The following XPO1 variants were observed in gnomAD, a reference collection of about 807,000 sequenced individuals.
The protein encoded by XPO1 is exportin 1, also known as exportin-1.
Under a neutral mutation model 133.3 loss-of-function variants are expected in XPO1, and 5 were observed. The ratio of observed to expected loss-of-function variants is 0.04; its 90% CI spans 0.02 to 0.08. The LOEUF (loss-of-function observed/expected upper bound fraction) is 0.08, where lower values mean the gene tolerates loss of function less well. Ranked by LOEUF, XPO1 falls within the 10% of genes least tolerant of loss-of-function variation. The probability of loss-of-function intolerance (pLI) is 1.00; values close to 1 mark genes in which losing one functional copy is unlikely to be tolerated. For synonymous variants in XPO1, 419 were observed against 408.2 expected (o/e 1.03, Z -0.32); for missense variants, 506 against 1,267.5 (o/e 0.40, Z 9.12).
chr2:61,484,158 G>C lies in XPO1; in HGVS notation c.2509-53C>G, dbSNP rs140694956. 759 of 1,492,342 alleles carry C rather than the reference G, an allele frequency of 5.1e-4. 2 individuals carry two copies. The African/African-American group carries it at 9.5e-3, about 19-fold the overall frequency. The allele number at this position is 1,492,342 out of a possible 1,614,324, so 92.4% of individuals were successfully genotyped here. A position where few individuals can be genotyped will look rare whatever the true frequency, so the allele number is the denominator to read the frequency against. On this transcript the variant is annotated intron_variant, in intron 20 of 24. Transcript: ENST00000401558. ...ATGTTTCAGTGTCTTTGTTGTGCTA[G>C]ACAGGAGGGGAAAAGCAAGGCTTAA...
At chr2:61,537,530 G>A (rs1255876193) in intron 1 of XPO1, 32 bp downstream of exon 1, 2 of 147,430 alleles carry the variant, frequency 1.4e-5, no homozygotes, top group African/African-American at 2.5e-5. Context: ...GCCGCCGCCC[G>A]ACCCTCGGCC....
At chr2:61,507,164 T>C (rs1697863310) in intron 4 of XPO1, among the ~76,000 whole-genome samples, 1 of 140,498 alleles carries the variant, frequency 7.1e-6, no homozygotes, top group African/African-American at 2.7e-5. Context: ...GGAGAATCAC[T>C]TGAACCCAAG....
At position 61,534,987 on chromosome 2, in the gene XPO1, G is replaced by C. The variant is rs377379295; in HGVS notation, c.-6-1084C>G. 8.5e-5 allele frequency among the ~76,000 whole-genome samples: 13 copies of C among 152,240 alleles called. No individual in the cohort carries two copies. The East Asian group carries it at 2.1e-3, about 25-fold the overall frequency. ...TTAAATTCCAGGTATTCATTGGCAA[G>C]GTAAAAGCTGTAAAAGCTTGCCCAT... is the stretch of plus-strand genomic sequence containing the variant. On this transcript the variant is annotated intron_variant, in intron 1 of 24. Transcript: ENST00000401558.
intron 23 of XPO1, among the ~76,000 whole-genome samples, chr2:61,481,734 C>CGGCA (rs1553401005): frequency 6.6e-6 from 1 of 151,768 alleles, no homozygotes; most frequent in Non-Finnish European, 1.5e-5. Context: ...CGTTTGCCAC[C>CGGCA]GTGCCCAGCC....
chr2:61,481,734 C>A (rs191102350), intron 23 of XPO1, among the ~76,000 whole-genome samples: 3 of 151,886 alleles, frequency 2.0e-5, no homozygotes, highest in Admixed American at 1.3e-4. Context: ...CGTTTGCCAC[C>A]GTGCCCAGCC....
intron 1 of XPO1, chr2:61,536,846 T>TC (rs1395427357): frequency 6.6e-6 from 1 of 152,346 alleles, no homozygotes; most frequent in Non-Finnish European, 1.5e-5. Context: ...CTACACCACT[T>TC]CCTCCCACCC....
intron 16 of XPO1, 121 bp downstream of exon 16, chr2:61,491,914 G>T (rs899387557): frequency 1.0e-5 from 13 of 1,276,982 alleles, no homozygotes; most frequent in African/African-American, 3.0e-5. Context: ...AAAAAAGAAA[G>T]AAAATTTAAT....
intron 4 of XPO1, among the ~76,000 whole-genome samples, chr2:61,504,647 G>A (rs556836391): frequency 1.5e-4 from 23 of 152,110 alleles, no homozygotes; most frequent in Non-Finnish European, 2.8e-4. Flanking sequence ...TCGTTGAAAA[G>A]AAAAATAAAA....
intron 17 of XPO1, among the ~76,000 whole-genome samples, chr2:61,489,221 C>A (rs187195539): frequency 8.5e-5 from 13 of 152,134 alleles, no homozygotes; most frequent in Non-Finnish European, 1.3e-4. Context: ...CAAGACCAGC[C>A]TGACCAACAT....
chr2:61,519,764 AG>A (rs1698600166), intron 4 of XPO1, among the ~76,000 whole-genome samples: 1 of 151,996 alleles, frequency 6.6e-6, no homozygotes, highest in South Asian at 2.1e-4. Context: ...AGAACCTAAA[AG>A]CAGATAAAAC....
At chr2:61,503,322 T>C (rs981019992) in intron 4 of XPO1, among the ~76,000 whole-genome samples, 2 of 152,068 alleles carry the variant, frequency 1.3e-5, no homozygotes, top group African/African-American at 4.8e-5. Context: ...AGGTGCAATC[T>C]TGGTTCACTG....
At chr2:61,495,420 CA>C (rs1403463187) in intron 11 of XPO1, 34 bp downstream of exon 11, 1 of 1,479,944 alleles carries the variant, frequency 6.8e-7, no homozygotes, top group African/African-American at 1.4e-5. Flanking sequence ...GTAGGCAGAG[CA>C]GAATTTTAGG....
At chr2:61,528,061 G>A (rs1226147981) in intron 2 of XPO1, among the ~76,000 whole-genome samples, 5 of 151,730 alleles carry the variant, frequency 3.3e-5, no homozygotes, top group Non-Finnish European at 5.9e-5. Context: ...CAAGTAGCTG[G>A]GACTACAGGC....
intron 22 of XPO1, 57 bp from the exon 23 acceptor site, chr2:61,482,596 C>CGT (rs1696441847): frequency 7.5e-7 from 1 of 1,341,450 alleles, no homozygotes; most frequent in African/African-American, 1.8e-5. Context: ...TAGATCTTAG[C>CGT]GTTTTTTTTT....
intron 11 of XPO1, chr2:61,494,835 G>T (rs1237749538): frequency 1.3e-5 from 2 of 150,152 alleles, no homozygotes; most frequent in African/African-American, 4.9e-5. Flanking sequence ...TATATAAAGA[G>T]AGAGAGAGAG....
intron 11 of XPO1, chr2:61,494,710 G>A (rs1362583774): frequency 6.6e-6 from 1 of 151,596 alleles, no homozygotes; most frequent in Non-Finnish European, 1.5e-5. Flanking sequence ...TTTGGATCTA[G>A]GTATTAATGG....
intron 3 of XPO1, chr2:61,526,043 C>T (rs1003251201): frequency 1.3e-5 from 14 of 1,076,654 alleles, no homozygotes; most frequent in African/African-American, 1.6e-5. Flanking sequence ...GCTGTCCACA[C>T]AACTTGGTGT....
intron 2 of XPO1, among the ~76,000 whole-genome samples, chr2:61,528,165 C>A (rs13397829): frequency 2.6e-5 from 4 of 151,514 alleles, no homozygotes; most frequent in African/African-American, 9.7e-5. Flanking sequence ...GACCTCGTGA[C>A]CCGCCTGCCT....
intron 16 of XPO1, among the ~76,000 whole-genome samples, chr2:61,491,816 C>G (rs549563080): frequency 6.6e-6 from 1 of 151,748 alleles, no homozygotes; most frequent in South Asian, 2.1e-4. Flanking sequence ...GGGAGGATCA[C>G]CTGAGCCTGG....
Sources: gnomAD v4.1 joint callset for allele counts (sites outside exome capture counted in the v4.1 genomes callset) on GRCh38, gnomAD v4.1.1 for gene constraint, MANE v1.5 for transcripts, NCBI Gene and HGNC (gene_info 2026-07-23, HGNC 2026-07-21) for gene names.